SMC2: variants seen among roughly 807,000 people sequenced by gnomAD.
SMC2 encodes the protein structural maintenance of chromosomes protein 2.
A neutral mutation model predicts 142.6 loss-of-function variants in SMC2; 41 were observed. The observed-to-expected ratio is 0.29, with a 90% confidence interval of 0.22 to 0.37. The LOEUF (loss-of-function observed/expected upper bound fraction) is 0.37. Ranked by LOEUF, SMC2 falls within the 10% of genes least tolerant of loss-of-function variation. The probability of loss-of-function intolerance (pLI) is 1.00; values close to 1 mark genes in which losing one functional copy is unlikely to be tolerated. For synonymous variants in SMC2, 463 were observed against 457.5 expected (o/e 1.01, Z -0.15); for missense variants, 1,265 against 1,373.7 (o/e 0.92, Z 1.25).
At chr9:104,124,829 CA>C (rs1314007745) in intron 17 of SMC2, 82 bp from the exon 18 acceptor site, 2 of 1,057,618 alleles carry the variant, frequency 1.9e-6, no homozygotes, top group African/African-American at 3.3e-5. Flanking sequence ...TGTAATTTTC[CA>C]AACCATTTCT....
intron 7 of SMC2, among the ~76,000 whole-genome samples, chr9:104,101,614 A>G (rs1831130145): frequency 1.3e-5 from 2 of 152,226 alleles, no homozygotes; most frequent in African/African-American, 2.4e-5. Flanking sequence ...GCTTCAAAGT[A>G]TATTAGAGTA....
At chr9:104,128,757 TA>T (rs1834592363) in intron 20 of SMC2, among the ~76,000 whole-genome samples, 1 of 152,220 alleles carries the variant, frequency 6.6e-6, no homozygotes, top group Middle Eastern at 3.2e-3. Context: ...TTGAACTGTA[TA>T]ATCAGTTGTA....
chr9:104,106,918 G>C (rs1831856542), intron 9 of SMC2, among the ~76,000 whole-genome samples: 1 of 152,180 alleles, frequency 6.6e-6, no homozygotes, highest in African/African-American at 2.4e-5. Flanking sequence ...GGTGGCTACA[G>C]TCAAGAGGAT....
rs1830216174 is a variant in SMC2, at chr9:104,094,482, GGCGTGT to G, written c.-62+11_-62+16del. 2 of 397,772 alleles carry G rather than the reference GGCGTGT, an allele frequency of 5.0e-6. No individual in the cohort carries two copies. Among genetic ancestry groups the G allele is most frequent in the African/African-American group, 4.1e-5 (2 of 48,634 alleles). 24.6% of individuals were successfully genotyped at this position (397,772 alleles called of 1,614,324 possible). Reference sequence around the variant, plus strand: ...AGCCCCTGGCCTGAGGCAGCGGTGAGGCGTGTGCGTGAGCACGGCCGGTTGGGCCGG... The same window carrying G: ...AGCCCCTGGCCTGAGGCAGCGGTGAGGCGTGAGCACGGCCGGTTGGGCCGG... On this transcript the variant is annotated splice_donor_region_variant and intron_variant, in intron 1 of 24. Coordinates refer to ENST00000374793, the MANE Select transcript of SMC2 (RefSeq NM_006444.3).
At chr9:104,135,888 C>G (rs1458207415) in intron 23 of SMC2, 1 of 518,746 alleles carries the variant, frequency 1.9e-6, no homozygotes. Context: ...CAGAACCATA[C>G]TACAGGTTAA....
Position 104,118,335 on chromosome 9 carries a change from C to A in SMC2, c.1956C>A (p.Leu652=). 6.2e-7 allele frequency: 1 copy of A among 1,613,342 alleles called. No homozygotes were observed. Among genetic ancestry groups the A allele is most frequent in the African/African-American group, 1.3e-5 (1 of 74,960 alleles). Residue 652 remains leucine (L), a synonymous_variant, in exon 15 of 25, where the codon CTC becomes CTA. Transcript: ENST00000374793. The part of the protein sequence containing the change: ...DKRIMTRTVT[L]GGDVFDPHGT... ...GGATAATGACTAGAACTGTAACTCT[C>A]GGAGGTGATGTGTTTGATCCTCATG...
rs770827404 is a variant in SMC2 at position 104,113,984 on chromosome 9, T to C, written c.1435T>C (p.Leu479=). ...NYEENKEESL[L]EKRRQLSRDI... ...TTCAGAAAATAAAGAGGAAAGCCTT[T>C]TGGAAAAGCGCAGGCAGCTGTCTCG... Residue 479 remains leucine (L), a synonymous_variant, in exon 12 of 25, where the codon TTG becomes CTG. Coordinates refer to ENST00000374793, the MANE Select transcript of SMC2 (RefSeq NM_006444.3). 6.3e-7 allele frequency: 1 copy of C among 1,582,642 alleles called. No individual in the cohort carries two copies. Among genetic ancestry groups the C allele is most frequent in the Non-Finnish European group, 8.5e-7 (1 of 1,169,784 alleles).
intron 13 of SMC2, 75 bp from the exon 14 acceptor site, chr9:104,116,125 G>A (rs897144833): frequency 7.8e-7 from 1 of 1,286,436 alleles, no homozygotes; most frequent in African/African-American, 1.5e-5. Context: ...ATTTATTATA[G>A]ACTACTAAAC....
chr9:104,124,565 A>G (rs953155714), intron 17 of SMC2, among the ~76,000 whole-genome samples: 1 of 152,178 alleles, frequency 6.6e-6, no homozygotes, highest in African/African-American at 2.4e-5. Flanking sequence ...AAAAAATACC[A>G]TAGTTATACT....
At chr9:104,098,300 G>C (rs961182355) in intron 3 of SMC2, 146 bp from the exon 4 acceptor site, 15 of 593,134 alleles carry the variant, frequency 2.5e-5, no homozygotes, top group Middle Eastern at 4.5e-4. Flanking sequence ...TTTTGACCAT[G>C]TCATACTTGT....
chr9:104,096,042 T>C (rs745900616), intron 2 of SMC2, 106 bp from the exon 3 acceptor site: 11 of 973,940 alleles, frequency 1.1e-5, no homozygotes, highest in Non-Finnish European at 1.7e-5. Context: ...GTCTACTTAA[T>C]GGACACTACG....
At chr9:104,131,178 C>T (rs2131537027) in intron 21 of SMC2, among the ~76,000 whole-genome samples, 1 of 152,106 alleles carries the variant, frequency 6.6e-6, no homozygotes. Context: ...TACAGCCTTG[C>T]TTGAAGGAAG....
At chr9:104,090,155 T>C (rs1212300997), upstream of SMC2, among the ~76,000 whole-genome samples, 2 of 152,050 alleles carry the variant, frequency 1.3e-5, no homozygotes, top group African/African-American at 4.8e-5. Flanking sequence ...CTCATAGAAA[T>C]AATGGATAAA....
At chr9:104,103,589 T>C (rs1831411714) in intron 9 of SMC2, among the ~76,000 whole-genome samples, 1 of 152,164 alleles carries the variant, frequency 6.6e-6, no homozygotes, top group South Asian at 2.1e-4. Flanking sequence ...TCGCGAGAAC[T>C]AGGAATAGGT....
chr9:104,140,116 C>T lies in SMC2; in HGVS notation c.*801C>T, dbSNP rs1835936076. ...AATATTTTCCAAGATTTTTGTCAGC[C>T]TTTTCATAATCCAGTCATTAACAAC... On this transcript the variant is annotated 3_prime_UTR_variant, in exon 25 of 25. Transcript: ENST00000374793. 1 of 151,832 alleles carries T rather than the reference C, an allele frequency of 6.6e-6. No homozygotes were observed. Among genetic ancestry groups the T allele is most frequent in the South Asian group, 2.1e-4 (1 of 4,808 alleles). 9.4% of individuals were successfully genotyped at this position (151,832 alleles called of 1,614,324 possible).
upstream of SMC2, among the ~76,000 whole-genome samples, chr9:104,091,774 A>G (rs982244653): frequency 6.6e-6 from 1 of 152,106 alleles, no homozygotes; most frequent in Non-Finnish European, 1.5e-5. Flanking sequence ...CCCAGGAGAG[A>G]GCAGGTTCCT....
intron 11 of SMC2, 45 bp from the exon 12 acceptor site, chr9:104,113,919 G>T: frequency 8.3e-7 from 1 of 1,199,176 alleles, no homozygotes; most frequent in Non-Finnish European, 1.2e-6. Context: ...ACAGTAGAGT[G>T]AGCTTTTAAA....
At position 104,116,235 on chromosome 9, in the gene SMC2, G is replaced by A. The variant is rs1395703117; in HGVS notation, c.1707G>A (p.Leu569=). 12 of 1,605,686 alleles carry A rather than the reference G, an allele frequency of 7.5e-6. No individual in the cohort carries two copies. The highest frequency in any genetic ancestry group is 9.3e-6 in the Non-Finnish European group (11 of 1,177,092). Residue 569 remains leucine (L), a synonymous_variant, in exon 14 of 25, where the codon CTG becomes CTA. Coordinates refer to ENST00000374793, the MANE Select transcript of SMC2 (RefSeq NM_006444.3). ...AAAAGCTACTAGAAAGGGGGGAACT[G>A]AAACGTCGATACACTATAATTCCAC... ...TGKKLLERGE[L]KRRYTIIPLN...
intron 19 of SMC2, 93 bp from the exon 20 acceptor site, chr9:104,127,193 T>C: frequency 2.0e-6 from 2 of 981,228 alleles, no homozygotes; most frequent in East Asian, 2.6e-5. Flanking sequence ...CACATTGCCC[T>C]CTTGCCCAGG....
Sources: gnomAD v4.1 joint callset for allele counts (sites outside exome capture counted in the v4.1 genomes callset) on GRCh38, gnomAD v4.1.1 for gene constraint, MANE v1.5 for transcripts, NCBI Gene and HGNC (gene_info 2026-07-23, HGNC 2026-07-21) for gene names.